Variants in VWA8 observed in about 807,000 individuals in gnomAD.
The protein encoded by VWA8 is von Willebrand factor A domain containing 8, also known as von Willebrand factor A domain-containing protein 8.
VWA8 carries 221 observed loss-of-function variants against 241.5 expected under a neutral mutation model. The observed-to-expected ratio is 0.91, with a 90% confidence interval of 0.82 to 1.02. The LOEUF (loss-of-function observed/expected upper bound fraction) is 1.02, where lower values mean the gene tolerates loss of function less well. VWA8 is among the 50% of genes least tolerant of loss of function. The pLI, the probability that VWA8 is intolerant of heterozygous loss-of-function variation, is 0.00. For synonymous variants in VWA8, 852 were observed against 827.1 expected (o/e 1.03, Z -0.52); for missense variants, 2,322 against 2,328.7 (o/e 1.00, Z 0.06).
At chr13:41,691,980 G>T in intron 30 of VWA8, 42 bp from the exon 31 acceptor site, 1 of 1,356,478 alleles carries the variant, frequency 7.4e-7, no homozygotes. Flanking sequence ...AAATGTGTCA[G>T]ATACAGTCAT....
intron 12 of VWA8, among the ~76,000 whole-genome samples, chr13:41,860,632 T>C (rs1427421546): frequency 6.6e-6 from 1 of 152,106 alleles, no homozygotes; most frequent in African/African-American, 2.4e-5. Flanking sequence ...TTTTGGTGAG[T>C]TTATTGTCAC....
At chr13:41,931,086 T>C (rs1593878729) in intron 2 of VWA8, among the ~76,000 whole-genome samples, 1 of 150,216 alleles carries the variant, frequency 6.7e-6, no homozygotes, top group East Asian at 1.9e-4. Flanking sequence ...GAGACGAAGG[T>C]TGCAGTGAGC....
chr13:41,938,747 T>C (rs1877465122), intron 2 of VWA8, among the ~76,000 whole-genome samples: 2 of 148,284 alleles, frequency 1.3e-5, no homozygotes, highest in African/African-American at 2.5e-5. Context: ...AGATCTTCAG[T>C]AGTGGCAGCC....
chr13:41,931,745 G>C (rs1009082492), intron 2 of VWA8, among the ~76,000 whole-genome samples: 4 of 151,578 alleles, frequency 2.6e-5, no homozygotes, highest in Non-Finnish European at 4.4e-5. Context: ...AATTAAAAGG[G>C]AAATTACAAA....
chr13:41,758,356 C>A (rs2045709160), intron 21 of VWA8, among the ~76,000 whole-genome samples: 3 of 97,796 alleles, frequency 3.1e-5, no homozygotes, highest in African/African-American at 8.0e-5. Flanking sequence ...TTTCCCATTG[C>A]TATAGATACT....
chr13:41,891,986 TG>T (rs1191272188), intron 4 of VWA8, among the ~76,000 whole-genome samples: 1 of 152,138 alleles, frequency 6.6e-6, no homozygotes, highest in African/African-American at 2.4e-5. Context: ...ACAAGCTTCT[TG>T]TAAGGATCAA....
chr13:41,645,963 T>A (rs113657670), intron 37 of VWA8, among the ~76,000 whole-genome samples: 1 of 150,908 alleles, frequency 6.6e-6, no homozygotes, highest in Non-Finnish European at 1.5e-5. Context: ...CAAATTTTCC[T>A]GATTTTTTTT....
At chr13:41,885,371 A>G (rs1874470929) in intron 8 of VWA8, among the ~76,000 whole-genome samples, 1 of 152,128 alleles carries the variant, frequency 6.6e-6, no homozygotes, top group Non-Finnish European at 1.5e-5. Flanking sequence ...TCTGTACTCT[A>G]TCAGATCCCC....
Position 41,887,379 on chromosome 13 carries a change from C to A in VWA8, c.652-18G>T. The A allele has an allele frequency of 6.2e-7, 1 of 1,602,854 alleles. No individual in the cohort carries two copies. Among genetic ancestry groups the A allele is most frequent in the Non-Finnish European group, 8.5e-7 (1 of 1,176,306 alleles). On this transcript the variant is annotated intron_variant, in intron 5 of 44. Coordinates refer to ENST00000379310, the MANE Select transcript of VWA8 (RefSeq NM_015058.2). ...GTATGATCCTATAAAAGTAAGAGAT[C>A]CGGAAGCTATAGCATAAATGATACA...
chr13:41,878,283 GC>G (rs1174297807), intron 9 of VWA8, among the ~76,000 whole-genome samples: 3 of 151,766 alleles, frequency 2.0e-5, no homozygotes, highest in African/African-American at 7.3e-5. Flanking sequence ...AACTATTTGA[GC>G]ACATATATTT....
At chr13:41,625,302 A>G (rs1470225557) in intron 37 of VWA8, among the ~76,000 whole-genome samples, 4 of 152,112 alleles carry the variant, frequency 2.6e-5, no homozygotes, top group East Asian at 1.9e-4. Flanking sequence ...GCAACCTACA[A>G]AATGGGAGAA....
At position 41,830,535 on chromosome 13, in the gene VWA8, T is replaced by C. The variant is rs201603228; in HGVS notation, c.1694A>G (p.Gln565Arg). The change falls in exon 14 of 45, where the codon CAG (glutamine) becomes CGG (arginine). Residue 565 changes from glutamine (Q) to arginine (R), a missense_variant. Gln to Arg is a conservative substitution (Grantham distance 43). Transcript: ENST00000379310. ...EELQLSDEQL[Q>R]KRSIFPIHPS... ...GTAATGGACCCCAAATTACCTCTTC[T>C]GTAGCTGTTCATCAGACAGTTGCAG... 143 of 1,613,348 alleles carry C rather than the reference T, an allele frequency of 8.9e-5. No individual in the cohort carries two copies. The highest frequency in any genetic ancestry group is 1.1e-4 in the Non-Finnish European group (128 of 1,179,516).
At chr13:41,601,800 G>T (rs376025882) in intron 40 of VWA8, among the ~76,000 whole-genome samples, 108 of 152,240 alleles carry the variant, frequency 7.1e-4, no homozygotes, top group Middle Eastern at 3.4e-3. Flanking sequence ...TGTTAAAGCA[G>T]ACATTAACAT....
At chr13:41,945,629 A>C (rs1413564938) in intron 2 of VWA8, among the ~76,000 whole-genome samples, 5 of 152,192 alleles carry the variant, frequency 3.3e-5, no homozygotes, top group Non-Finnish European at 7.4e-5. Flanking sequence ...AACTCTGATT[A>C]AATTAACCAG....
rs191884256 is a variant in VWA8 at position 41,798,645 on chromosome 13, A to G, written c.2064-11102T>C. 6.3e-3 allele frequency among the ~76,000 whole-genome samples: 961 copies of G among 152,260 alleles called. 6 individuals are homozygous for G. Among genetic ancestry groups the G allele is most frequent in the Non-Finnish European group, 0.011 (718 of 68,012 alleles). ...TTATTTGTCCTACTTGGGAACTGAT[A>G]TATTTCTTCAATCTGTAGACTCATG... On this transcript the variant is annotated intron_variant, in intron 17 of 44. Transcript: ENST00000379310.
chr13:41,853,996 G>A (rs1158574433), intron 12 of VWA8, among the ~76,000 whole-genome samples: 1 of 152,098 alleles, frequency 6.6e-6, no homozygotes, highest in Non-Finnish European at 1.5e-5. Context: ...TAATATCTCT[G>A]AAATCAGGGT....
chr13:41,932,117 C>T (rs1285325601), intron 2 of VWA8, among the ~76,000 whole-genome samples: 1 of 151,756 alleles, frequency 6.6e-6, no homozygotes, highest in African/African-American at 2.4e-5. Flanking sequence ...GACAGAGAGA[C>T]AGACAGACAG....
At chr13:41,807,502 G>A (rs910476236) in intron 17 of VWA8, among the ~76,000 whole-genome samples, 8 of 152,160 alleles carry the variant, frequency 5.3e-5, no homozygotes, top group East Asian at 1.9e-4. Flanking sequence ...ATGACCAAGC[G>A]GGATTTATGC....
intron 29 of VWA8, chr13:41,696,235 TA>T (rs2045215073): frequency 6.6e-6 from 1 of 152,094 alleles, no homozygotes; most frequent in Non-Finnish European, 1.5e-5. Context: ...AAAGTAAAAA[TA>T]AAAAAGTGAA....
Sources: gnomAD v4.1 joint callset for allele counts (sites outside exome capture counted in the v4.1 genomes callset) on GRCh38, gnomAD v4.1.1 for gene constraint, MANE v1.5 for transcripts, NCBI Gene and HGNC (gene_info 2026-07-23, HGNC 2026-07-21) for gene names.